Variants in TBC1D9 observed in about 807,000 individuals in gnomAD.
TBC1D9 encodes the protein TBC1 domain family member 9A.
Under a neutral mutation model 132.0 loss-of-function variants are expected in TBC1D9, and 63 were observed. The ratio of observed to expected loss-of-function variants is 0.48; its 90% CI spans 0.39 to 0.59. TBC1D9 has a LOEUF of 0.59. Ranked by LOEUF, TBC1D9 falls within the 20% of genes least tolerant of loss-of-function variation. The pLI is 0.00. For synonymous variants in TBC1D9, 610 were observed against 609.9 expected (o/e 1.00, Z 0.00); for missense variants, 1,261 against 1,592.7 (o/e 0.79, Z 3.54).
intron 6 of TBC1D9, among the ~76,000 whole-genome samples, chr4:140,673,452 A>G (rs1240694345): frequency 6.6e-6 from 1 of 152,184 alleles, no homozygotes; most frequent in Non-Finnish European, 1.5e-5. Flanking sequence ...AAAGGTACCC[A>G]GCTCACGTGG....
intron 6 of TBC1D9, among the ~76,000 whole-genome samples, chr4:140,675,811 A>T (rs1392968383): frequency 4.6e-5 from 7 of 152,196 alleles, no homozygotes; most frequent in Non-Finnish European, 1.0e-4. Flanking sequence ...TTTCTGACTC[A>T]CAACCTAGAC....
At chr4:140,689,871 C>A (rs1737850568) in intron 2 of TBC1D9, among the ~76,000 whole-genome samples, 1 of 149,264 alleles carries the variant, frequency 6.7e-6, no homozygotes, top group South Asian at 2.2e-4. Flanking sequence ...ACCTCAGTCT[C>A]CCCAGTAGCT....
chr4:140,642,014 G>C (rs1578819703), intron 13 of TBC1D9: 2 of 637,500 alleles, frequency 3.1e-6, no homozygotes, highest in African/African-American at 1.8e-5. Context: ...TTAGCCTCTC[G>C]AAGCAGCAAA....
intron 1 of TBC1D9, among the ~76,000 whole-genome samples, chr4:140,726,493 T>G (rs1227251160): frequency 6.6e-6 from 1 of 152,054 alleles, no homozygotes; most frequent in Admixed American, 6.6e-5. Context: ...AGAGACATTC[T>G]CACAACACCC....
chr4:140,639,412 C>A lies in TBC1D9; in HGVS notation c.2354G>T (p.Arg785Leu), dbSNP rs368140121. The change falls in exon 14 of 21, where the codon CGG becomes CTG. Residue 785 changes from arginine (R) to leucine (L), a missense_variant. Arg to Leu is a moderately radical substitution (Grantham distance 102). Coordinates refer to ENST00000442267, the MANE Select transcript of TBC1D9 (RefSeq NM_015130.3). Reference protein sequence around the residue: ...RTSYEKFGTIRADLIEQMRFK... With the variant: ...RTSYEKFGTILADLIEQMRFK... Reference sequence around the variant, plus strand: ...TCTCATCTGTTCAATCAAATCTGCCCGGATAGTTCCGAATTTCTGTAAAGG... The same window carrying A: ...TCTCATCTGTTCAATCAAATCTGCCAGGATAGTTCCGAATTTCTGTAAAGG... 3.8e-4 allele frequency: 620 copies of A among 1,610,592 alleles called. No homozygotes were observed. The highest frequency in any genetic ancestry group is 4.8e-4 in the Non-Finnish European group (571 of 1,178,324).
At chr4:140,675,697 G>C (rs933102020) in intron 6 of TBC1D9, among the ~76,000 whole-genome samples, 9 of 152,192 alleles carry the variant, frequency 5.9e-5, no homozygotes, top group Non-Finnish European at 1.0e-4. Flanking sequence ...CAGAGATACA[G>C]ATTCAGAAGA....
intron 13 of TBC1D9, chr4:140,644,595 C>T: frequency 3.0e-6 from 1 of 331,502 alleles, no homozygotes; most frequent in South Asian, 2.3e-5. Context: ...TCCTCCATCT[C>T]TGCCTGGTAC....
At chr4:140,722,639 A>G (rs1738441723) in intron 1 of TBC1D9, among the ~76,000 whole-genome samples, 1 of 152,212 alleles carries the variant, frequency 6.6e-6, no homozygotes, top group South Asian at 2.1e-4. Flanking sequence ...TTCTGACCTA[A>G]TGATAATTCT....
intron 1 of TBC1D9, among the ~76,000 whole-genome samples, chr4:140,727,372 C>T (rs1738517795): frequency 6.6e-6 from 1 of 152,226 alleles, no homozygotes; most frequent in Non-Finnish European, 1.5e-5. Context: ...CTTTGCATCA[C>T]TGCCCACAGC....
chr4:140,643,006 C>T (rs377645045), intron 13 of TBC1D9: 3 of 767,938 alleles, frequency 3.9e-6, no homozygotes, highest in East Asian at 2.7e-5. Context: ...AGTTCCAGGA[C>T]GTCCATGTCC....
intron 9 of TBC1D9, among the ~76,000 whole-genome samples, chr4:140,666,384 G>A (rs988225793): frequency 6.6e-5 from 10 of 152,128 alleles, no homozygotes; most frequent in African/African-American, 1.9e-4. Flanking sequence ...CGCCCAGGCC[G>A]GAGTGCAGTG....
At chr4:140,633,908 G>T (rs6851737) in intron 16 of TBC1D9, 40 bp downstream of exon 16, 1,014,810 of 1,605,236 alleles carry the variant, frequency 0.63, 322,305 homozygotes, top group African/African-American at 0.73. Context: ...CACAACTCCA[G>T]CATCCCATCC....
chr4:140,659,688 A>G lies in TBC1D9; in HGVS notation c.1821T>C (p.Thr607=). The change falls in exon 11 of 21, where the codon ACT becomes ACC. Residue 607 remains threonine, a synonymous_variant. Transcript: ENST00000442267. ...CTTTGGCATAAAGCAGCAGCACTGA[A>G]GTGACAATATTCATGGCCTAAAAAA... ...IGYCQAMNIV[T]SVLLLYAKEE... 1 of 1,604,932 alleles carries G rather than the reference A, an allele frequency of 6.2e-7. No homozygotes were observed. Among genetic ancestry groups the G allele is most frequent in the Non-Finnish European group, 8.5e-7 (1 of 1,175,634 alleles).
At chr4:140,688,771 C>G (rs1469553500) in intron 2 of TBC1D9, among the ~76,000 whole-genome samples, 1 of 152,082 alleles carries the variant, frequency 6.6e-6, no homozygotes, top group Non-Finnish European at 1.5e-5. Flanking sequence ...TTGTGGACAG[C>G]AAAAATACTG....
intron 13 of TBC1D9, among the ~76,000 whole-genome samples, chr4:140,651,680 ATACAT>A (rs1737189394): frequency 6.6e-6 from 1 of 152,224 alleles, no homozygotes; most frequent in South Asian, 2.1e-4. Flanking sequence ...TCTGTTAGAG[ATACAT>A]TCTTTTACAG....
chr4:140,728,765 C>T (rs751305806), intron 1 of TBC1D9, among the ~76,000 whole-genome samples: 1 of 152,150 alleles, frequency 6.6e-6, no homozygotes, highest in African/African-American at 2.4e-5. Flanking sequence ...CGGGTTCAAG[C>T]GATCCCCCTT....
chr4:140,731,668 TACACACACACACACACACACAC>T (rs56768107), intron 1 of TBC1D9, among the ~76,000 whole-genome samples: 1 of 147,122 alleles, frequency 6.8e-6, no homozygotes, highest in Non-Finnish European at 1.5e-5. Flanking sequence ...TTAAAACACA[TACACACACACACACACACACAC>T]ACACCCCAAA....
intron 16 of TBC1D9, among the ~76,000 whole-genome samples, chr4:140,633,163 G>C (rs1736825322): frequency 6.6e-6 from 1 of 152,064 alleles, no homozygotes; most frequent in Non-Finnish European, 1.5e-5. Flanking sequence ...TCTTTCCTTG[G>C]GTACTTCTTT....
At chr4:140,657,860 G>A in intron 11 of TBC1D9, 48 bp from the exon 12 acceptor site, 1 of 1,558,136 alleles carries the variant, frequency 6.4e-7, no homozygotes, top group Non-Finnish European at 8.7e-7. Flanking sequence ...CAACTACACA[G>A]TGTAACTAAA....
Sources: allele counts gnomAD v4.1 joint callset (sites outside exome capture counted in the v4.1 genomes callset), GRCh38; gene constraint gnomAD v4.1.1; transcripts MANE v1.5; gene names NCBI Gene and HGNC (gene_info 2026-07-23, HGNC 2026-07-21).